CNOT6L: variants seen among roughly 807,000 people sequenced by gnomAD.
The protein encoded by CNOT6L is CCR4-NOT transcription complex subunit 6 like, also known as CCR4-NOT transcription complex subunit 6-like.
CNOT6L carries 7 observed loss-of-function variants against 64.0 expected under a neutral mutation model. The ratio of observed to expected loss-of-function variants is 0.11; its 90% CI spans 0.06 to 0.21. The LOEUF is 0.21. Ranked by LOEUF, CNOT6L falls within the 10% of genes least tolerant of loss-of-function variation. The pLI is 1.00. For missense variants in CNOT6L, 245 were observed against 669.0 expected, an observed-to-expected ratio of 0.37 and a Z score of 6.99; for synonymous variants, 193 against 243.4, an observed-to-expected ratio of 0.79 and a Z score of 1.93.
intron 2 of CNOT6L, 120 bp downstream of exon 2, chr4:77,776,151 C>T: frequency 3.2e-6 from 3 of 934,040 alleles, no homozygotes; most frequent in Non-Finnish European, 1.6e-6. Flanking sequence ...AGTATCTTAC[C>T]ATCTTGTAGT....
intron 1 of CNOT6L, among the ~76,000 whole-genome samples, chr4:77,783,069 T>C (rs950581499): frequency 9.7e-5 from 14 of 143,772 alleles, no homozygotes; most frequent in African/African-American, 3.1e-4. Context: ...CTAAAGTCCA[T>C]AGATTATAAA....
At chr4:77,751,692 G>C (rs890923160) in intron 5 of CNOT6L, among the ~76,000 whole-genome samples, 19 of 152,252 alleles carry the variant, frequency 1.2e-4, no homozygotes, top group Admixed American at 4.6e-4. Flanking sequence ...AATGACACTA[G>C]ATTTCTTTTA....
chr4:77,753,822 T>C (rs1445115174), intron 5 of CNOT6L, among the ~76,000 whole-genome samples: 1 of 151,014 alleles, frequency 6.6e-6, no homozygotes, highest in Non-Finnish European at 1.5e-5. Flanking sequence ...ATCAATATAA[T>C]TACCATATTA....
At chr4:77,794,870 A>G (rs1730626798) in intron 1 of CNOT6L, among the ~76,000 whole-genome samples, 1 of 152,192 alleles carries the variant, frequency 6.6e-6, no homozygotes, top group Admixed American at 6.5e-5. Context: ...TATATATGTA[A>G]AAAATCCTAT....
intron 4 of CNOT6L, among the ~76,000 whole-genome samples, chr4:77,771,698 ATG>A (rs1727579432): frequency 6.6e-6 from 1 of 152,248 alleles, no homozygotes; most frequent in South Asian, 2.1e-4. Flanking sequence ...CCTAATTATC[ATG>A]TGTTATTTCA....
chr4:77,760,679 TATC>T (rs1726101288), intron 4 of CNOT6L, among the ~76,000 whole-genome samples: 1 of 150,472 alleles, frequency 6.6e-6, no homozygotes, highest in Non-Finnish European at 1.5e-5. Context: ...AAATTATAAA[TATC>T]AACAATGAAG....
intron 1 of CNOT6L, among the ~76,000 whole-genome samples, chr4:77,788,856 C>T (rs1729764205): frequency 6.6e-6 from 1 of 151,386 alleles, no homozygotes; most frequent in Non-Finnish European, 1.5e-5. Context: ...AAATATAATG[C>T]CACTTTCAGG....
At chr4:77,806,744 G>A (rs551255606) in intron 1 of CNOT6L, among the ~76,000 whole-genome samples, 8 of 152,148 alleles carry the variant, frequency 5.3e-5, no homozygotes, top group East Asian at 1.9e-4. Flanking sequence ...GCCCCTCCAC[G>A]ATCATTCTCC....
chr4:77,780,474 C>A (rs989495667), intron 1 of CNOT6L, among the ~76,000 whole-genome samples: 1 of 152,154 alleles, frequency 6.6e-6, no homozygotes, highest in African/African-American at 2.4e-5. Context: ...CATCTAACTC[C>A]ATTTCAACAG....
At chr4:77,817,567 T>TA (rs1186114482) in intron 1 of CNOT6L, among the ~76,000 whole-genome samples, 1 of 152,214 alleles carries the variant, frequency 6.6e-6, no homozygotes, top group Non-Finnish European at 1.5e-5. Context: ...CTGTGACTGA[T>TA]AAAACTGTGG....
At chr4:77,782,669 A>T (rs1378269022) in intron 1 of CNOT6L, among the ~76,000 whole-genome samples, 2 of 145,022 alleles carry the variant, frequency 1.4e-5, no homozygotes, top group African/African-American at 5.1e-5. Context: ...TTAAAGAGAC[A>T]GTGTCTACCT....
At chr4:77,737,875 G>C (rs997167688) in intron 8 of CNOT6L, among the ~76,000 whole-genome samples, 1 of 152,100 alleles carries the variant, frequency 6.6e-6, no homozygotes, top group East Asian at 1.9e-4. Flanking sequence ...GAAATTACCA[G>C]AAGAGTACAG....
chr4:77,738,709 C>T (rs927567150), intron 8 of CNOT6L, among the ~76,000 whole-genome samples: 11 of 144,806 alleles, frequency 7.6e-5, no homozygotes, highest in African/African-American at 2.6e-4. Flanking sequence ...GCCAAGATCA[C>T]GCCACTGCAC....
chr4:77,724,924 C>A (rs1419108163), intron 11 of CNOT6L, among the ~76,000 whole-genome samples: 1 of 125,656 alleles, frequency 8.0e-6, no homozygotes, highest in East Asian at 2.1e-4. Flanking sequence ...CACCTCTTCC[C>A]AACTCTATGT....
At chr4:77,759,575 GA>G (rs35125491) in intron 4 of CNOT6L, among the ~76,000 whole-genome samples, 104 of 140,726 alleles carry the variant, frequency 7.4e-4, no homozygotes, top group Admixed American at 1.5e-3. Context: ...CAAAAAAGAA[GA>G]AAAAAAAAAA....
chr4:77,780,447 C>T (rs1283991854), intron 1 of CNOT6L, among the ~76,000 whole-genome samples: 1 of 152,204 alleles, frequency 6.6e-6, no homozygotes, highest in Non-Finnish European at 1.5e-5. Context: ...CTGTTAGCAA[C>T]ACCTTTCCAA....
At chr4:77,736,737 C>T (rs1223503124) in intron 8 of CNOT6L, among the ~76,000 whole-genome samples, 2 of 152,050 alleles carry the variant, frequency 1.3e-5, no homozygotes, top group Non-Finnish European at 2.9e-5. Context: ...ACCATTCATA[C>T]TCTGTGACTG....
At chr4:77,772,290 T>A (rs562417664) in intron 4 of CNOT6L, among the ~76,000 whole-genome samples, 10 of 152,100 alleles carry the variant, frequency 6.6e-5, no homozygotes, top group Non-Finnish European at 1.3e-4. Flanking sequence ...TGGAACACAG[T>A]GGCGCGATCT....
At position 77,716,208 on chromosome 4, in the gene CNOT6L, A is replaced by G. The variant is rs1483357790; in HGVS notation, c.*4223T>C. ...CAAAATGTAAGTATGTATGAGTGCT[A>G]TTTTGAAAATGTGCCATAAAGTCTT... On this transcript the variant is annotated 3_prime_UTR_variant, in exon 12 of 12. Coordinates refer to ENST00000504123, the MANE Select transcript of CNOT6L (RefSeq NM_144571.3). 5 of 152,128 alleles carry G rather than the reference A, an allele frequency of 3.3e-5. No homozygotes were observed. The East Asian group carries it at 9.6e-4, about 29-fold the overall frequency. The allele number at this position is 152,128 out of a possible 1,614,324, so 9.4% of individuals were successfully genotyped here.
Sources: allele counts gnomAD v4.1 joint callset (sites outside exome capture counted in the v4.1 genomes callset), GRCh38; gene constraint gnomAD v4.1.1; transcripts MANE v1.5; gene names NCBI Gene and HGNC (gene_info 2026-07-23, HGNC 2026-07-21).